Variants in EBNA1BP2 observed in about 807,000 individuals in gnomAD.
EBNA1BP2 encodes EBNA1 binding protein 2, also known as probable rRNA-processing protein EBP2.
Under a neutral mutation model 43.5 loss-of-function variants are expected in EBNA1BP2, and 36 were observed. The observed-to-expected ratio is 0.83, with a 90% CI of 0.63 to 1.09. EBNA1BP2 has a LOEUF of 1.09. EBNA1BP2 is among the 50% of genes least tolerant of loss of function. The probability of loss-of-function intolerance (pLI) is 0.00; values close to 1 mark genes in which losing one functional copy is unlikely to be tolerated. For synonymous variants in EBNA1BP2, 127 were observed against 141.3 expected (o/e 0.90, Z 0.72); for missense variants, 332 against 379.1 (o/e 0.88, Z 1.03).
chr1:43,169,280 T>A (rs1008374072), intron 4 of EBNA1BP2, among the ~76,000 whole-genome samples: 1 of 152,178 alleles, frequency 6.6e-6, no homozygotes, highest in Non-Finnish European at 1.5e-5. Flanking sequence ...AACTGCCTAT[T>A]TGTAGCCCAG....
In EBNA1BP2 at chr1:43,167,205, G is replaced by T. The variant is rs1644925001; in HGVS notation, c.568C>A (p.Gln190Lys). ...VQTEVLQKRQ[Q>K]EKAHMMNAIK... is the part of the protein sequence containing the mutation. ...GCATTCATCATATGGGCTTTCTCCT[G>T]CTGCCTCTTCTGAAGAACCTCCGTT... The change falls in exon 6 of 9, where the codon CAG becomes AAG. Residue 190 changes from glutamine to lysine, a missense_variant. Physicochemically the swap from Gln to Lys is moderately conservative, Grantham distance 53 (BLOSUM62 1). Coordinates refer to ENST00000236051, the MANE Select transcript of EBNA1BP2 (RefSeq NM_006824.3). 3 of 1,614,060 alleles carry T rather than the reference G, an allele frequency of 1.9e-6. No homozygotes were observed. The East Asian group carries it at 6.7e-5, about 36-fold the overall frequency.
intron 7 of EBNA1BP2, 131 bp downstream of exon 7, chr1:43,166,695 G>T: frequency 2.3e-6 from 2 of 876,368 alleles, no homozygotes; most frequent in Non-Finnish European, 3.5e-6. Flanking sequence ...AGGGGTCCTG[G>T]CCCCAGGCAG....
At position 43,172,151 on chromosome 1, in the gene EBNA1BP2, G is replaced by T. The variant is rs779468690; in HGVS notation, c.-33C>A. ...CACGCACGTCCCACACCTACAGGAA[G>T]AAACGGGGTATCCCGAGACCCAAGC... is the stretch of plus-strand genomic sequence containing the variant. On this transcript the variant is annotated 5_prime_UTR_variant, in exon 1 of 9. Coordinates refer to ENST00000236051, the MANE Select transcript of EBNA1BP2 (RefSeq NM_006824.3). 1.7e-5 allele frequency: 27 copies of T among 1,613,876 alleles called. No homozygotes were observed. In the South Asian group the frequency reaches 2.9e-4, roughly 17 times the overall value.
At chr1:43,165,914 A>T (rs989139309) in intron 7 of EBNA1BP2, among the ~76,000 whole-genome samples, 5 of 152,162 alleles carry the variant, frequency 3.3e-5, no homozygotes, top group Non-Finnish European at 5.9e-5. Context: ...GCTCAAGTCG[A>T]ACGCTCCTCC....
chr1:43,172,480 A>C (rs542870807), upstream of EBNA1BP2: 2 of 1,524,634 alleles, frequency 1.3e-6, no homozygotes, highest in Admixed American at 2.0e-5. Flanking sequence ...GGGGGTCGCC[A>C]GAAGGAGCTG....
upstream of EBNA1BP2, chr1:43,172,312 CT>C: frequency 6.4e-7 from 1 of 1,551,774 alleles, no homozygotes. Context: ...GGGACTTCCG[CT>C]TCCGGCGGCA....
chr1:43,172,314 T>C (rs1269823595), upstream of EBNA1BP2: 3 of 1,551,710 alleles, frequency 1.9e-6, no homozygotes, highest in South Asian at 3.6e-5. Context: ...GACTTCCGCT[T>C]CCGGCGGCAA....
rs1282713694 is a variant in EBNA1BP2, at chr1:43,164,266, CT to C, written c.*176del. ...ATCAATAGATAGCAATGGAAAGTAA[CT>C]TCTCAATCTTTTAGTCTAGACTATT... is the stretch of plus-strand genomic sequence containing the variant. On this transcript the variant is annotated 3_prime_UTR_variant, in exon 9 of 9. Transcript: ENST00000236051. The C allele has an allele frequency of 1.5e-5, 10 of 666,868 alleles. No individual in the cohort carries two copies. The highest frequency in any genetic ancestry group is 2.2e-5 in the Non-Finnish European group (9 of 400,082). The allele number at this position is 666,868 out of a possible 1,614,324, so 41.3% of individuals were successfully genotyped here.
intron 7 of EBNA1BP2, among the ~76,000 whole-genome samples, chr1:43,166,527 G>A (rs535479312): frequency 2.0e-5 from 3 of 152,104 alleles, no homozygotes; most frequent in African/African-American, 7.2e-5. Flanking sequence ...AGAATTACTT[G>A]AGCCCAGGTG....
intron 5 of EBNA1BP2, 22 bp from the exon 6 acceptor site, chr1:43,167,257 C>A (rs1215897876): frequency 6.2e-7 from 1 of 1,610,478 alleles, no homozygotes; most frequent in Admixed American, 1.7e-5. Flanking sequence ...ACACAAGGAC[C>A]GTTACAGCCA....
chr1:43,164,660 C>T lies in EBNA1BP2; in HGVS notation c.853G>A (p.Gly285Ser), dbSNP rs1204571530. 4.3e-6 allele frequency: 7 copies of T among 1,614,190 alleles called. No individual in the cohort carries two copies. Among genetic ancestry groups the T allele is most frequent in the Admixed American group, 1.7e-5 (1 of 60,024 alleles). The change falls in exon 8 of 9, where the codon GGC becomes AGC. Residue 285 changes from glycine to serine, a missense_variant. By Grantham distance (56) the Gly-to-Ser change is moderately conservative (BLOSUM62 0). Around this residue, in one of 3 missense-constraint regions of EBNA1BP2, gnomAD observed 59 missense variants for 53.3 expected, o/e 1.11. Transcript: ENST00000236051. ...TCACTTACATTTGACCCTTTCTTGCCAGGCCTCTTGAGGCCTCTGCCATGA... is the reference window on the plus strand; with the variant it reads ...TCACTTACATTTGACCCTTTCTTGCTAGGCCTCTTGAGGCCTCTGCCATGA... ...TAHGRGLKRP[G>S]KKGSNKRPGK...
chr1:43,167,088 C>T, intron 6 of EBNA1BP2, 72 bp downstream of exon 6: 1 of 1,554,450 alleles, frequency 6.4e-7, no homozygotes. Context: ...CAAGAAGGCT[C>T]CAAAGCACTA....
chr1:43,168,821 C>T (rs768407720), intron 5 of EBNA1BP2, 118 bp downstream of exon 5: 29 of 1,021,746 alleles, frequency 2.8e-5, no homozygotes, highest in Admixed American at 2.6e-4. Context: ...CACTGAGAGA[C>T]GGTAAATACA....
intron 7 of EBNA1BP2, among the ~76,000 whole-genome samples, chr1:43,165,691 C>G (rs1453864266): frequency 1.3e-5 from 2 of 152,176 alleles, no homozygotes; most frequent in Non-Finnish European, 2.9e-5. Context: ...CCAAGCTCCT[C>G]AACAAGGCAA....
At position 43,172,266 on chromosome 1, in the gene EBNA1BP2, CGCCA is replaced by C; in HGVS notation, c.-152_-149del. 2.6e-6 allele frequency: 4 copies of C among 1,554,270 alleles called. No individual in the cohort carries two copies. Among genetic ancestry groups the C allele is most frequent in the Non-Finnish European group, 3.5e-6 (4 of 1,148,120 alleles). ...TCCACGTGCCACCGAATCGCTCCAGCGCCAGCAACTCACAGCTACTGCTCAACTT... is the reference window on the plus strand; with the variant it reads ...TCCACGTGCCACCGAATCGCTCCAGCGCAACTCACAGCTACTGCTCAACTT... On this transcript the variant is annotated 5_prime_UTR_variant, in exon 1 of 9. Coordinates refer to ENST00000236051, the MANE Select transcript of EBNA1BP2 (RefSeq NM_006824.3).
chr1:43,172,107 G>A lies in EBNA1BP2; in HGVS notation c.12C>T (p.Pro4=), dbSNP rs1243116238. The part of the protein sequence containing the change: MDT[P]PLSDSESESD... ...ATTCCGACTCCGAATCCGAGAGCGG[G>A]GGAGTGTCCATCTCGCCGCACGCAC... The change falls in exon 1 of 9, where the codon CCC becomes CCT. Residue 4 remains proline, a synonymous_variant. Coordinates refer to ENST00000236051, the MANE Select transcript of EBNA1BP2 (RefSeq NM_006824.3). 6.2e-7 allele frequency: 1 copy of A among 1,614,168 alleles called. No homozygotes were observed. Among genetic ancestry groups the A allele is most frequent in the Admixed American group, 1.7e-5 (1 of 60,026 alleles).
chr1:43,171,541 T>TGCTG lies in EBNA1BP2; in HGVS notation c.257_260dup (p.Pro88SerfsTer11). ...CAGCTTTCTGGTCCTTGTTCTGAGG[T>TGCTG]GCTGGCGCCTCAGATCCACCGATCT... On this transcript the variant is annotated frameshift_variant, in exon 3 of 9. Coordinates refer to ENST00000236051, the MANE Select transcript of EBNA1BP2 (RefSeq NM_006824.3). LOFTEE classifies it high-confidence loss of function. 1 of 1,614,206 alleles carries TGCTG rather than the reference T, an allele frequency of 6.2e-7. No homozygotes were observed. The highest frequency in any genetic ancestry group is 8.5e-7 in the Non-Finnish European group (1 of 1,180,018).
intron 7 of EBNA1BP2, 99 bp downstream of exon 7, chr1:43,166,725 CTA>C (rs2124162627): frequency 1.6e-6 from 2 of 1,221,336 alleles, no homozygotes; most frequent in East Asian, 4.6e-5. Flanking sequence ...TCTCTGGACT[CTA>C]TGGCTGCGCC....
At chr1:43,172,550 G>C, upstream of EBNA1BP2, 1 of 1,005,222 alleles carries the variant, frequency 9.9e-7, no homozygotes, top group Non-Finnish European at 1.4e-6. Context: ...GGGGTGGCGC[G>C]GAGGAGGACC....
Sources: gnomAD v4.1 joint callset for allele counts (sites outside exome capture counted in the v4.1 genomes callset) on GRCh38, gnomAD v4.1.1 for gene constraint, gnomAD v4.1.1 regional missense constraint, MANE v1.5 for transcripts, NCBI Gene and HGNC (gene_info 2026-07-23, HGNC 2026-07-21) for gene names.